Variants in TRIM27 observed in about 807,000 individuals in gnomAD.
TRIM27 encodes the protein zinc finger protein RFP.
In TRIM27, 12 loss-of-function variants were observed where a neutral mutation model predicts 57.6. The observed-to-expected ratio is 0.21, with a 90% CI of 0.13 to 0.34. The LOEUF is 0.34. Among genes scored for constraint, TRIM27 ranks in the 10% least tolerant of loss-of-function variants. TRIM27 has a pLI of 1.00. For synonymous variants in TRIM27, 266 were observed against 259.0 expected, an observed-to-expected ratio of 1.03 and a Z score of -0.26; for missense variants, 403 against 656.8, an observed-to-expected ratio of 0.61 and a Z score of 4.22.
At chr6:28,910,497 T>G (rs763589856) in intron 4 of TRIM27, among the ~76,000 whole-genome samples, 58 of 151,998 alleles carry the variant, frequency 3.8e-4, no homozygotes, top group Non-Finnish European at 6.6e-4. Context: ...GCCCAGCTAA[T>G]TTTTGTATTT....
intron 4 of TRIM27, 21 bp downstream of exon 4, chr6:28,911,675 T>C (rs552493829): frequency 1.9e-6 from 3 of 1,609,530 alleles, no homozygotes; most frequent in African/African-American, 2.7e-5. Context: ...GATTTAACAC[T>C]AGGGAAACAG....
intron 2 of TRIM27, among the ~76,000 whole-genome samples, chr6:28,921,590 C>G (rs548684821): frequency 4.0e-4 from 61 of 152,314 alleles, no homozygotes; most frequent in Middle Eastern, 3.4e-3. Flanking sequence ...CGCAAGCTAA[C>G]TGTATCCAAT....
rs747191288 is a variant in TRIM27 at position 28,904,595 on chromosome 6, C to T, written c.1017G>A (p.Arg339=). ...LILSDNLRQV[R]YSYLQQDLPD... Reference sequence around the variant, plus strand: ...GCAGGTCCTGTTGGAGGTAACTGTACCGCACTTGCCGCAGATTATCAGAGA... The same window carrying T: ...GCAGGTCCTGTTGGAGGTAACTGTATCGCACTTGCCGCAGATTATCAGAGA... Residue 339 remains arginine (R), a synonymous_variant, in exon 8 of 8, where the codon CGG becomes CGA. Coordinates refer to ENST00000377199, the MANE Select transcript of TRIM27 (RefSeq NM_006510.5). This position sits in a 1 kb window ranked among gnomAD's most constrained non-coding sequence, Gnocchi z 6.1. The T allele has an allele frequency of 6.9e-6, 11 of 1,605,484 alleles. No homozygotes were observed. The highest frequency in any genetic ancestry group is 6.7e-5 in the East Asian group (3 of 44,864).
chr6:28,923,812 C>G lies in TRIM27; in HGVS notation c.-180G>C. ...GCACCGAAGGCTTGGAGTGGCCGGG[C>G]CGATGCCTGCGCCTGTGCCCCCTAA... On this transcript the variant is annotated 5_prime_UTR_variant, in exon 1 of 8. Coordinates refer to ENST00000377199, the MANE Select transcript of TRIM27 (RefSeq NM_006510.5). The G allele has an allele frequency of 1.5e-6, 1 of 650,980 alleles. No homozygotes were observed. The highest frequency in any genetic ancestry group is 2.2e-5 in the South Asian group (1 of 45,682). The allele number at this position is 650,980 out of a possible 1,614,324, so 40.3% of individuals were successfully genotyped here.
chr6:28,919,203 G>T (rs1258901052), intron 3 of TRIM27, among the ~76,000 whole-genome samples: 1 of 151,946 alleles, frequency 6.6e-6, no homozygotes, highest in Non-Finnish European at 1.5e-5. Flanking sequence ...TAGAGACGGG[G>T]TTTCCCCATC....
At chr6:28,918,654 G>T (rs1773797104) in intron 3 of TRIM27, among the ~76,000 whole-genome samples, 1 of 152,166 alleles carries the variant, frequency 6.6e-6, no homozygotes, top group African/African-American at 2.4e-5. Flanking sequence ...GAGGAGGGCA[G>T]ATCACGAGGT....
At chr6:28,918,848 C>T (rs546954894) in intron 3 of TRIM27, among the ~76,000 whole-genome samples, 2 of 151,806 alleles carry the variant, frequency 1.3e-5, no homozygotes, top group African/African-American at 2.4e-5. Context: ...TGCACTCCAG[C>T]CTGGGCAACA....
At chr6:28,912,275 A>G (rs1773263935) in intron 3 of TRIM27, among the ~76,000 whole-genome samples, 1 of 152,026 alleles carries the variant, frequency 6.6e-6, no homozygotes, top group South Asian at 2.1e-4. Flanking sequence ...ACGCCCAGCT[A>G]ATTTTTGTGT....
intron 4 of TRIM27, among the ~76,000 whole-genome samples, chr6:28,909,984 T>C (rs759916884): frequency 1.3e-5 from 2 of 152,070 alleles, no homozygotes; most frequent in Non-Finnish European, 2.9e-5. Flanking sequence ...CTTAAAAATG[T>C]AACATGACAG....
chr6:28,907,640 T>G (rs1221445984), intron 6 of TRIM27: 4 of 539,274 alleles, frequency 7.4e-6, no homozygotes, highest in Non-Finnish European at 1.5e-5. Flanking sequence ...GTACAAGAGC[T>G]GAATGGCTCA....
chr6:28,903,787 A>T lies in TRIM27; in HGVS notation c.*283T>A. On this transcript the variant is annotated 3_prime_UTR_variant, in exon 8 of 8. Coordinates refer to ENST00000377199, the MANE Select transcript of TRIM27 (RefSeq NM_006510.5). ...GGCTCTCCAAATCCAAAGATTATCC[A>T]TACTCTTTATCCCTCCAGCGATGTG... The T allele has an allele frequency of 2.2e-6, 1 of 445,966 alleles. No individual in the cohort carries two copies. Among genetic ancestry groups the T allele is most frequent in the Non-Finnish European group, 4.0e-6 (1 of 251,586 alleles). The allele number at this position is 445,966 out of a possible 1,614,324, so 27.6% of individuals were successfully genotyped here.
intron 2 of TRIM27, among the ~76,000 whole-genome samples, chr6:28,921,062 G>C (rs912733679): frequency 4.6e-5 from 7 of 152,052 alleles, no homozygotes; most frequent in African/African-American, 1.7e-4. Context: ...CCACCAACAG[G>C]ACTCTATTAT....
At chr6:28,918,107 T>C (rs1269115249) in intron 3 of TRIM27, among the ~76,000 whole-genome samples, 1 of 152,162 alleles carries the variant, frequency 6.6e-6, no homozygotes, top group African/African-American at 2.4e-5. Flanking sequence ...ATTACAGGCA[T>C]GAGCCACCGT....
At chr6:28,908,127 T>G (rs942113540) in intron 6 of TRIM27, 105 of 161,044 alleles carry the variant, frequency 6.5e-4, no homozygotes, top group African/African-American at 2.5e-3. Context: ...CAGAAAAATT[T>G]TAATTTGGAA....
intron 3 of TRIM27, chr6:28,915,512 G>A (rs7750644): frequency 1.3e-4 from 20 of 152,188 alleles, no homozygotes; most frequent in African/African-American, 4.8e-4. Flanking sequence ...GGGAGGCTGA[G>A]GCAGGAGACT....
At chr6:28,912,223 C>T (rs538961128) in intron 3 of TRIM27, among the ~76,000 whole-genome samples, 1 of 152,050 alleles carries the variant, frequency 6.6e-6, no homozygotes, top group East Asian at 1.9e-4. Flanking sequence ...AATTCTCCTG[C>T]CTCAGCCTCC....
rs209124 is a variant in TRIM27, at chr6:28,904,965, C to G, written c.947-300G>C. 6 of 393,746 alleles carry G rather than the reference C, an allele frequency of 1.5e-5. No individual in the cohort carries two copies. Among genetic ancestry groups the G allele is most frequent in the Non-Finnish European group, 2.7e-5 (6 of 218,702 alleles). The allele number at this position is 393,746 out of a possible 1,614,324, so 24.4% of individuals were successfully genotyped here. ...TCTTGCTCTGTTGCCTAGGCTGGAG[C>G]GCAGTGGTGTGGTCATAGTTCATTG... On this transcript the variant is annotated intron_variant, in intron 7 of 7. Transcript: ENST00000377199. The surrounding 1 kb of genome is among the most constrained non-coding windows in gnomAD (Gnocchi z 6.1).
At chr6:28,915,846 T>C (rs571186215) in intron 3 of TRIM27, 3 of 152,308 alleles carry the variant, frequency 2.0e-5, no homozygotes, top group South Asian at 2.1e-4. Context: ...TATATATCCA[T>C]ACAATGGAAT....
At chr6:28,917,668 G>A (rs1245595811) in intron 3 of TRIM27, among the ~76,000 whole-genome samples, 3 of 151,292 alleles carry the variant, frequency 2.0e-5, no homozygotes, top group South Asian at 4.2e-4. Flanking sequence ...ACTAGTTCTC[G>A]CAAACCAACT....
Sources: gnomAD v4.1 joint callset for allele counts (sites outside exome capture counted in the v4.1 genomes callset) on GRCh38, gnomAD v4.1.1 for gene constraint, Gnocchi (gnomAD v3.1) non-coding constraint, MANE v1.5 for transcripts, NCBI Gene and HGNC (gene_info 2026-07-23, HGNC 2026-07-21) for gene names.